COL26A1: variants seen among roughly 807,000 people sequenced by gnomAD.
COL26A1 encodes collagen alpha-1(XXVI) chain.
In COL26A1, 41 loss-of-function variants were observed where a neutral mutation model predicts 59.3. The observed-to-expected ratio is 0.69, with a 90% confidence interval of 0.54 to 0.90. COL26A1 has a LOEUF of 0.90. COL26A1 is among the 40% of genes least tolerant of loss of function. The pLI is 0.00. For missense variants in COL26A1, 612 were observed against 602.3 expected, an observed-to-expected ratio of 1.02 and a Z score of -0.17; for synonymous variants, 266 against 256.0, an observed-to-expected ratio of 1.04 and a Z score of -0.37.
intron 2 of COL26A1, among the ~76,000 whole-genome samples, chr7:101,440,694 G>A (rs1285917474): frequency 2.6e-5 from 4 of 151,900 alleles, no homozygotes; most frequent in African/African-American, 7.3e-5. Context: ...GGCCAGGAGC[G>A]GTGGCTCATG....
intron 1 of COL26A1, among the ~76,000 whole-genome samples, chr7:101,406,985 C>G (rs1448637677): frequency 6.6e-6 from 1 of 152,080 alleles, no homozygotes; most frequent in Admixed American, 6.6e-5. Context: ...ATCCTACTTT[C>G]CACGTTTTCA....
chr7:101,439,302 G>A (rs1232722586), intron 2 of COL26A1, among the ~76,000 whole-genome samples: 1 of 150,494 alleles, frequency 6.6e-6, no homozygotes, highest in African/African-American at 2.5e-5. Context: ...AAGGCTTCCT[G>A]GAGGAGGTGA....
intron 12 of COL26A1, 104 bp downstream of exon 12, chr7:101,555,975 T>C (rs923950551): frequency 1.5e-5 from 15 of 990,004 alleles, no homozygotes; most frequent in Admixed American, 2.2e-5. Context: ...CTCCCTCCCT[T>C]GCCCCTAGTC....
intron 3 of COL26A1, among the ~76,000 whole-genome samples, chr7:101,474,199 G>A (rs925172793): frequency 6.6e-6 from 1 of 152,190 alleles, no homozygotes; most frequent in African/African-American, 2.4e-5. Flanking sequence ...ATTGGATGAA[G>A]GCCACATAGA....
intron 3 of COL26A1, among the ~76,000 whole-genome samples, chr7:101,481,447 AATAT>A (rs60951062): frequency 6.3e-5 from 9 of 143,434 alleles, no homozygotes; most frequent in Non-Finnish European, 1.1e-4. Flanking sequence ...AATCTCCCAA[AATAT>A]ATATATATAT....
At chr7:101,515,630 A>AGGCTAGAG (rs1554426188) in intron 3 of COL26A1, among the ~76,000 whole-genome samples, 1 of 145,760 alleles carries the variant, frequency 6.9e-6, no homozygotes, top group Non-Finnish European at 1.5e-5. Flanking sequence ...TCTGTCACCC[A>AGGCTAGAG]GGCTAGAGTG....
At chr7:101,494,103 G>T (rs1584460759) in intron 3 of COL26A1, among the ~76,000 whole-genome samples, 1 of 143,890 alleles carries the variant, frequency 6.9e-6, no homozygotes, top group East Asian at 1.9e-4. Context: ...GAAGACACAG[G>T]TACTTCTACT....
chr7:101,438,010 G>GCCC (rs1792957777), intron 2 of COL26A1, among the ~76,000 whole-genome samples: 1 of 151,686 alleles, frequency 6.6e-6, no homozygotes, highest in Non-Finnish European at 1.5e-5. Context: ...ACTGTGCCTG[G>GCCC]CCTTGTCCTG....
intron 3 of COL26A1, among the ~76,000 whole-genome samples, chr7:101,495,848 C>A (rs1368460667): frequency 6.7e-6 from 1 of 149,826 alleles, no homozygotes; most frequent in African/African-American, 2.4e-5. Context: ...AAGCCCAGCA[C>A]TTTGGGAGGC....
At chr7:101,533,404 G>A (rs1454003836) in intron 4 of COL26A1, among the ~76,000 whole-genome samples, 1 of 152,078 alleles carries the variant, frequency 6.6e-6, no homozygotes, top group African/African-American at 2.4e-5. Context: ...CCCGGGGGCT[G>A]GGAGGCTGGA....
intron 2 of COL26A1, among the ~76,000 whole-genome samples, chr7:101,443,624 A>T (rs570464166): frequency 6.6e-6 from 1 of 152,280 alleles, no homozygotes; most frequent in East Asian, 1.9e-4. Context: ...AGCAGTTATG[A>T]CAATGCACGT....
chr7:101,491,081 C>G (rs114690337), intron 3 of COL26A1, among the ~76,000 whole-genome samples: 6,978 of 136,190 alleles, frequency 0.051, 569 homozygotes, highest in African/African-American at 0.17. Flanking sequence ...ATGTGTGAGG[C>G]AAAAAAAAAA....
At chr7:101,362,620 G>A (rs10953333), upstream of COL26A1, among the ~76,000 whole-genome samples, 34,968 of 152,110 alleles carry the variant, frequency 0.23, 4,482 homozygotes, top group East Asian at 0.49. Flanking sequence ...TGGGCGCTCC[G>A]AAAGCATTCG....
At chr7:101,427,998 T>G (rs1584398978) in intron 2 of COL26A1, among the ~76,000 whole-genome samples, 1 of 152,282 alleles carries the variant, frequency 6.6e-6, no homozygotes, top group South Asian at 2.1e-4. Context: ...TTTTGCTATT[T>G]TACACATTTG....
chr7:101,443,669 A>G (rs1293166543), intron 2 of COL26A1, among the ~76,000 whole-genome samples: 1 of 152,174 alleles, frequency 6.6e-6, no homozygotes, highest in East Asian at 1.9e-4. Context: ...TGTCTCCCTT[A>G]TGAAATTTGG....
At chr7:101,473,608 CCACACACACACACACACACACA>C (rs150820078) in intron 3 of COL26A1, among the ~76,000 whole-genome samples, 7 of 143,374 alleles carry the variant, frequency 4.9e-5, no homozygotes, top group Non-Finnish European at 7.6e-5. Context: ...CACCTTGTCT[CCACACACACACACACACACACA>C]CACACACACA....
Position 101,434,133 on chromosome 7 carries a change from T to C in COL26A1, c.282-13551T>C, listed in dbSNP as rs562900544. 3.5e-3 allele frequency among the ~76,000 whole-genome samples: 281 copies of C among 79,278 alleles called. 6 individuals carry two copies. The highest frequency in any genetic ancestry group is 7.7e-3 in the Middle Eastern group (1 of 130). 52.0% of individuals were successfully genotyped at this position (79,278 alleles called of 152,430 possible). ...TTTCTTTTTCTTTCTTTCTTTCTTC[T>C]TTCTCTGTCTCTCTTTCTCTCTCGT... On this transcript the variant is annotated intron_variant, in intron 2 of 12. Transcript: ENST00000313669.
intron 3 of COL26A1, among the ~76,000 whole-genome samples, chr7:101,457,894 CTTTTTTTTTTT>C (rs747999760): frequency 8.8e-6 from 1 of 113,698 alleles, no homozygotes; most frequent in Non-Finnish European, 1.8e-5. Context: ...TATAGCTTAA[CTTTTTTTTTTT>C]TTTTTTTTTG....
intron 3 of COL26A1, among the ~76,000 whole-genome samples, chr7:101,494,775 G>C (rs1794545425): frequency 6.6e-6 from 1 of 152,238 alleles, no homozygotes; most frequent in African/African-American, 2.4e-5. Flanking sequence ...AGCTGCACTT[G>C]TTTAATGGTA....
Sources: allele counts gnomAD v4.1 joint callset (sites outside exome capture counted in the v4.1 genomes callset), GRCh38; gene constraint gnomAD v4.1.1; transcripts MANE v1.5; gene names NCBI Gene and HGNC (gene_info 2026-07-23, HGNC 2026-07-21).